Variants in SMG6 observed in about 807,000 individuals in gnomAD.
SMG6 encodes telomerase-binding protein EST1A.
Under a neutral mutation model 142.2 loss-of-function variants are expected in SMG6, and 66 were observed. That is an observed-to-expected ratio of 0.46 (90% CI 0.38 to 0.57). The LOEUF is 0.57. Among genes scored for constraint, SMG6 ranks in the 20% least tolerant of loss-of-function variants. The pLI is 0.00. For missense variants in SMG6, 1,793 were observed against 1,832.0 expected (o/e 0.98, Z 0.39); for synonymous variants, 779 against 702.4 (o/e 1.11, Z -1.72).
In SMG6 at chr17:2,061,545, T is replaced by G. The variant is rs1306699749; in HGVS notation, c.4207A>C (p.Asn1403His). The G allele has an allele frequency of 1.3e-6, 2 of 1,575,050 alleles. No individual in the cohort carries two copies. Among genetic ancestry groups the G allele is most frequent in the Admixed American group, 1.8e-5 (1 of 54,660 alleles). Reference sequence around the variant, plus strand: ...GCTGGGATGTCCCGTACAGGAACATTCCTTGTGAGCGCCTTCACACGCAGG... The same window carrying G: ...GCTGGGATGTCCCGTACAGGAACATGCCTTGTGAGCGCCTTCACACGCAGG... ...RNLRVKALTR[N>H]VPVRDIPAFL... is the part of the protein sequence containing the mutation. Residue 1403 changes from asparagine to histidine, a missense_variant, in exon 19 of 19, where the codon AAT becomes CAT. By Grantham distance (68) the Asn-to-His change is moderately conservative (BLOSUM62 1). This residue lies in a region of SMG6 where 179 missense variants were observed against 212.6 expected (regional missense o/e 0.84). Transcript: ENST00000263073.
At chr17:2,216,894 G>A (rs953512457) in intron 10 of SMG6, among the ~76,000 whole-genome samples, 1 of 152,018 alleles carries the variant, frequency 6.6e-6, no homozygotes. Context: ...AGAAGAATCA[G>A]TAATGTCAAA....
intron 13 of SMG6, among the ~76,000 whole-genome samples, chr17:2,165,601 A>G (rs2071312457): frequency 6.6e-6 from 1 of 152,196 alleles, no homozygotes; most frequent in Admixed American, 6.5e-5. Flanking sequence ...AGGGATATTC[A>G]ATGTGTACAA....
intron 13 of SMG6, among the ~76,000 whole-genome samples, chr17:2,148,858 C>CAA (rs145407655): frequency 1.2e-3 from 159 of 135,326 alleles, no homozygotes; most frequent in East Asian, 5.4e-3. Flanking sequence ...GACTCTGTCT[C>CAA]AAAAAAAAAA....
chr17:2,200,827 G>C lies in SMG6; in HGVS notation c.2870-12312C>G, dbSNP rs574441333. On this transcript the variant is annotated intron_variant, in intron 10 of 18. Coordinates refer to ENST00000263073, the MANE Select transcript of SMG6 (RefSeq NM_017575.5). ...CAGGTTCAAGCAATCCTCCCACCTC[G>C]GCCTCCCAACCTCCTGGTCTCAAAT... 8.5e-4 allele frequency among the ~76,000 whole-genome samples: 129 copies of C among 151,970 alleles called. 1 individual carries two copies. Among genetic ancestry groups the C allele is most frequent in the African/African-American group, 2.9e-3 (122 of 41,438 alleles).
At chr17:2,175,778 C>G in intron 12 of SMG6, among the ~76,000 whole-genome samples, 1 of 152,178 alleles carries the variant, frequency 6.6e-6, no homozygotes, top group East Asian at 1.9e-4. Flanking sequence ...CTAGACTGTG[C>G]AGAACCAAGG....
intron 14 of SMG6, among the ~76,000 whole-genome samples, chr17:2,084,621 T>A (rs188718520): frequency 1.1e-4 from 17 of 152,324 alleles, no homozygotes; most frequent in Admixed American, 6.5e-4. Flanking sequence ...GTTGCTGACT[T>A]CATCCCTGTA....
chr17:2,184,117 T>A (rs1230994824), intron 12 of SMG6, among the ~76,000 whole-genome samples: 1 of 152,134 alleles, frequency 6.6e-6, no homozygotes, highest in South Asian at 2.1e-4. Context: ...ATCCCTGCAC[T>A]TCTGGAGGCT....
At chr17:2,186,866 C>T in intron 11 of SMG6, 35 bp from the exon 12 acceptor site, 1 of 1,606,032 alleles carries the variant, frequency 6.2e-7, no homozygotes, top group Non-Finnish European at 8.5e-7. Context: ...GGGCCTATGT[C>T]TGCTGTAGCC....
At chr17:2,096,663 G>T (rs991085842) in intron 13 of SMG6, among the ~76,000 whole-genome samples, 2 of 152,094 alleles carry the variant, frequency 1.3e-5, no homozygotes, top group Admixed American at 6.6e-5. Context: ...CCTTCAAGAC[G>T]CCAGTTAGCC....
intron 12 of SMG6, 107 bp from the exon 13 acceptor site, chr17:2,172,966 G>A: frequency 9.3e-7 from 1 of 1,080,506 alleles, no homozygotes. Flanking sequence ...TGTTGTCTAG[G>A]CTGGCATCTG....
intron 9 of SMG6, chr17:2,240,198 A>T (rs1387164106): frequency 1.3e-5 from 2 of 152,160 alleles, no homozygotes; most frequent in Non-Finnish European, 2.9e-5. Flanking sequence ...TTGTGATGTG[A>T]TCTCTAGAGA....
chr17:2,071,629 C>G lies in SMG6; in HGVS notation c.3682-2698G>C, dbSNP rs777014566. ...GACAACTTCCCTTAACCTGGCTCTG[C>G]CCAGTGAGTCACCAAACAACTGCTT... is the stretch of plus-strand genomic sequence containing the variant. On this transcript the variant is annotated intron_variant, in intron 15 of 18. Coordinates refer to ENST00000263073, the MANE Select transcript of SMG6 (RefSeq NM_017575.5). This position sits in a 1 kb window ranked among gnomAD's most constrained non-coding sequence, Gnocchi z 5.6. 6.6e-6 allele frequency among the ~76,000 whole-genome samples: 1 copy of G among 152,202 alleles called. No homozygotes were observed. The highest frequency in any genetic ancestry group is 2.4e-5 in the African/African-American group (1 of 41,438).
At chr17:2,194,140 T>C (rs7220945) in intron 10 of SMG6, among the ~76,000 whole-genome samples, 2,653 of 152,036 alleles carry the variant, frequency 0.017, 80 homozygotes, top group African/African-American at 0.061. Context: ...AATGATGGAG[T>C]TGGTGGATGC....
Position 2,298,945 on chromosome 17 carries a change from CG to C in SMG6, c.1807del (p.Arg603AlafsTer27). The C allele has an allele frequency of 1.2e-6, 2 of 1,614,032 alleles. No homozygotes were observed. The highest frequency in any genetic ancestry group is 1.7e-6 in the Non-Finnish European group (2 of 1,179,970). Reference protein sequence around the residue: ...LQLSNLLSRDRISPEGLEKMA... With the variant: ...LQLSNLLSRDXISPEGLEKMA... ...CTTCTCCAGGCCCTCCGGACTGATG[CG>C]GTCCCTGGAGAGCAGGTTGCTGAGC... On this transcript the variant is annotated frameshift_variant, in exon 2 of 19. Coordinates refer to ENST00000263073, the MANE Select transcript of SMG6 (RefSeq NM_017575.5). LOFTEE classifies it high-confidence loss of function.
intron 13 of SMG6, among the ~76,000 whole-genome samples, chr17:2,110,081 CAAA>C (rs57135671): frequency 1.1e-5 from 1 of 87,916 alleles, no homozygotes. Flanking sequence ...GATTCCATCT[CAAA>C]AAAAAAAAAA....
intron 12 of SMG6, among the ~76,000 whole-genome samples, chr17:2,183,120 G>A (rs988910490): frequency 2.6e-5 from 4 of 152,126 alleles, no homozygotes; most frequent in African/African-American, 9.7e-5. Flanking sequence ...CAGCTACTTG[G>A]GAGACTGAGG....
chr17:2,176,935 T>C (rs947628421), intron 12 of SMG6, among the ~76,000 whole-genome samples: 1 of 152,224 alleles, frequency 6.6e-6, no homozygotes, highest in South Asian at 2.1e-4. Flanking sequence ...ATTCCAAGGT[T>C]TAATGTATCT....
In SMG6 at chr17:2,085,489, T is replaced by C. The variant is rs2151435859; in HGVS notation, c.3534+236A>G. On this transcript the variant is annotated intron_variant, in intron 14 of 18. Transcript: ENST00000263073. The surrounding 1 kb of genome is among the most constrained non-coding windows in gnomAD (Gnocchi z 4.1). ...CTCCTTTCTTTCTTTTCCTCCCTTC[T>C]CCTCAATGCAGCATTAAAAGAAGCA... 6.6e-6 allele frequency among the ~76,000 whole-genome samples: 1 copy of C among 152,198 alleles called. No homozygotes were observed. Among genetic ancestry groups the C allele is most frequent in the Middle Eastern group, 3.4e-3 (1 of 294 alleles).
intron 13 of SMG6, among the ~76,000 whole-genome samples, chr17:2,091,854 GT>G (rs1425015251): frequency 0.026 from 3,074 of 116,674 alleles, 98 homozygotes; most frequent in African/African-American, 0.089. Context: ...GTGTGTGTGT[GT>G]TTTTTTTTAG....
Sources: allele counts gnomAD v4.1 joint callset (sites outside exome capture counted in the v4.1 genomes callset), GRCh38; gene constraint gnomAD v4.1.1; regional missense constraint gnomAD v4.1.1; non-coding constraint Gnocchi (gnomAD v3.1); transcripts MANE v1.5; gene names NCBI Gene and HGNC (gene_info 2026-07-23, HGNC 2026-07-21).